Variants in FBXL17 observed in about 807,000 individuals in gnomAD.
FBXL17 encodes F-box and leucine rich repeat protein 17.
FBXL17 carries 22 observed loss-of-function variants against 66.2 expected under a neutral mutation model. That is an observed-to-expected ratio of 0.33 (90% CI 0.24 to 0.47). The LOEUF is 0.47. Among genes scored for constraint, FBXL17 ranks in the 20% least tolerant of loss-of-function variants. The probability of loss-of-function intolerance (pLI) is 1.00; values close to 1 mark genes in which losing one functional copy is unlikely to be tolerated. For synonymous variants in FBXL17, 474 were observed against 400.5 expected, an observed-to-expected ratio of 1.18 and a Z score of -2.19; for missense variants, 878 against 948.2, an observed-to-expected ratio of 0.93 and a Z score of 0.97.
chr5:108,299,004 C>G (rs1390800951), intron 4 of FBXL17: 1 of 977,516 alleles, frequency 1.0e-6, no homozygotes, highest in African/African-American at 1.8e-5. Context: ...ACTTTTTCCT[C>G]TATTACCTAG....
In FBXL17 at chr5:108,164,312, C is replaced by G. The variant is rs965290028; in HGVS notation, c.1745+21805G>C. On this transcript the variant is annotated intron_variant, in intron 6 of 8. Transcript: ENST00000542267. ...GGTTTGTTCCTGTTAGAATAAAAAA[C>G]AAGTAGAACAAACTTCATTATTGCC... 3.3e-5 allele frequency among the ~76,000 whole-genome samples: 5 copies of G among 152,118 alleles called. No homozygotes were observed. The East Asian group carries it at 9.6e-4, about 29-fold the overall frequency.
chr5:107,930,617 T>C (rs574886672), intron 7 of FBXL17, among the ~76,000 whole-genome samples: 21 of 152,234 alleles, frequency 1.4e-4, no homozygotes, highest in Non-Finnish European at 2.4e-4. Flanking sequence ...CCAGTGCCCA[T>C]GCCAGTGCCT....
intron 4 of FBXL17, among the ~76,000 whole-genome samples, chr5:108,262,066 A>ATTTTTTTTTTTTTTTTTTTTTTT (rs1164308201): frequency 7.5e-6 from 1 of 134,036 alleles, no homozygotes; most frequent in African/African-American, 3.0e-5. Context: ...TTATTTATTT[A>ATTTTTTTTTTTTTTTTTTTTTTT]TTTATTTATT....
intron 6 of FBXL17, among the ~76,000 whole-genome samples, chr5:108,140,832 CT>C (rs879707124): frequency 2.0e-3 from 283 of 145,002 alleles, no homozygotes; most frequent in Middle Eastern, 3.5e-3. Flanking sequence ...TTCAGCCATT[CT>C]TTTTTTTTTT....
intron 7 of FBXL17, among the ~76,000 whole-genome samples, chr5:107,988,933 C>T (rs1753123062): frequency 6.6e-6 from 1 of 151,910 alleles, no homozygotes; most frequent in African/African-American, 2.4e-5. Context: ...AGGCATAATC[C>T]CAAATGACTA....
At chr5:108,377,001 A>G (rs1749472257) in intron 1 of FBXL17, among the ~76,000 whole-genome samples, 1 of 152,166 alleles carries the variant, frequency 6.6e-6, no homozygotes, top group African/African-American at 2.4e-5. Flanking sequence ...GGGCAGTGTG[A>G]CTACATCTGT....
intron 5 of FBXL17, among the ~76,000 whole-genome samples, chr5:108,195,040 TATTG>T (rs1753625767): frequency 6.6e-6 from 1 of 152,174 alleles, no homozygotes; most frequent in Admixed American, 6.6e-5. Context: ...AGTCAATAAC[TATTG>T]ATTAAGCAGC....
chr5:108,014,128 C>T (rs752806308), intron 7 of FBXL17, among the ~76,000 whole-genome samples: 1 of 151,940 alleles, frequency 6.6e-6, no homozygotes, highest in Non-Finnish European at 1.5e-5. Flanking sequence ...AAAAATGATG[C>T]TTTATATGAT....
At chr5:108,142,248 C>T (rs1412713349) in intron 6 of FBXL17, among the ~76,000 whole-genome samples, 1 of 152,206 alleles carries the variant, frequency 6.6e-6, no homozygotes, top group Admixed American at 6.5e-5. Context: ...AGAGGCTCCA[C>T]TCAAATTATA....
intron 4 of FBXL17, among the ~76,000 whole-genome samples, chr5:108,312,352 G>C (rs1759163823): frequency 6.6e-6 from 1 of 151,792 alleles, no homozygotes; most frequent in African/African-American, 2.4e-5. Flanking sequence ...TCCTTTCTCT[G>C]TTAAAAAAAA....
chr5:108,083,218 A>AACACACACACAC (rs756726228), intron 6 of FBXL17, among the ~76,000 whole-genome samples: 11,587 of 144,308 alleles, frequency 0.08, 615 homozygotes, highest in Admixed American at 0.12. Flanking sequence ...CTCACCTCAG[A>AACACACACACAC]ACACACACAC....
intron 7 of FBXL17, among the ~76,000 whole-genome samples, chr5:107,927,629 G>C (rs1479609723): frequency 1.3e-5 from 2 of 152,040 alleles, no homozygotes; most frequent in Non-Finnish European, 1.5e-5. Context: ...ATATAAAAGA[G>C]CCTATTATCT....
At chr5:108,107,845 A>G (rs1218382779) in intron 6 of FBXL17, among the ~76,000 whole-genome samples, 1 of 151,866 alleles carries the variant, frequency 6.6e-6, no homozygotes. Context: ...AGAAAAAGAA[A>G]AGAGAGACCT....
rs189767601 is a variant in FBXL17, at chr5:107,926,590, C to T, written c.1823-45411G>A. Among the ~76,000 whole-genome samples, 232 of 151,442 alleles carry T rather than the reference C, an allele frequency of 1.5e-3. 2 individuals carry two copies. The highest frequency in any genetic ancestry group is 5.1e-3 in the African/African-American group (210 of 41,266). On this transcript the variant is annotated intron_variant, in intron 7 of 8. Transcript: ENST00000542267. ...GTGTGTCATGATCTCTGGCAAACCTCCTACTCATCTAGTAGCTGGTTCTCA... is the reference window on the plus strand; with the variant it reads ...GTGTGTCATGATCTCTGGCAAACCTTCTACTCATCTAGTAGCTGGTTCTCA...
intron 4 of FBXL17, among the ~76,000 whole-genome samples, chr5:108,231,716 G>C (rs1755348847): frequency 6.6e-6 from 1 of 152,144 alleles, no homozygotes; most frequent in Non-Finnish European, 1.5e-5. Flanking sequence ...AGGCTAAGAA[G>C]GGGGTTACAG....
chr5:107,932,567 A>G (rs974328108), intron 7 of FBXL17, among the ~76,000 whole-genome samples: 12 of 152,228 alleles, frequency 7.9e-5, no homozygotes, highest in Non-Finnish European at 2.9e-5. Flanking sequence ...ATAATAAAAC[A>G]AATGTCATTT....
chr5:108,070,525 C>G lies in FBXL17; in HGVS notation c.1746-49524G>C, dbSNP rs544486283. On this transcript the variant is annotated intron_variant, in intron 6 of 8. Transcript: ENST00000542267. ...ACCTTATCACTACGAATGCTTCAAA[C>G]CCATCTCACAAGATGCATCTGCTTT... Among the ~76,000 whole-genome samples the G allele has an allele frequency of 1.1e-4, 16 of 152,302 alleles. No homozygotes were observed. The East Asian group carries it at 3.1e-3, about 29-fold the overall frequency.
intron 4 of FBXL17, among the ~76,000 whole-genome samples, chr5:108,317,500 G>C (rs907710685): frequency 6.6e-6 from 1 of 150,490 alleles, no homozygotes; most frequent in African/African-American, 2.4e-5. Flanking sequence ...ACTATACATC[G>C]ACTGAAAAAT....
intron 4 of FBXL17, among the ~76,000 whole-genome samples, chr5:108,281,607 A>G (rs912388060): frequency 6.6e-6 from 1 of 151,856 alleles, no homozygotes. Context: ...TGCCAGTATA[A>G]CAATACATCT....
Sources: gnomAD v4.1 joint callset for allele counts (sites outside exome capture counted in the v4.1 genomes callset) on GRCh38, gnomAD v4.1.1 for gene constraint, MANE v1.5 for transcripts, NCBI Gene and HGNC (gene_info 2026-07-23, HGNC 2026-07-21) for gene names.